ESRRG: variants seen among roughly 807,000 people sequenced by gnomAD.
ESRRG encodes the protein estrogen related receptor gamma, also known as estrogen-related receptor gamma.
Under a neutral mutation model 44.0 loss-of-function variants are expected in ESRRG, and 13 were observed. The observed-to-expected ratio is 0.30, with a 90% CI of 0.19 to 0.47. The LOEUF is 0.47. ESRRG is among the 20% of genes least tolerant of loss of function. The probability of loss-of-function intolerance (pLI) is 1.00; values close to 1 mark genes in which losing one functional copy is unlikely to be tolerated. For missense variants in ESRRG, 395 were observed against 580.6 expected, an observed-to-expected ratio of 0.68 and a Z score of 3.29; for synonymous variants, 215 against 214.6, an observed-to-expected ratio of 1.00 and a Z score of -0.02.
intron 1 of ESRRG, among the ~76,000 whole-genome samples, chr1:216,942,007 T>C (rs555575516): frequency 6.6e-6 from 1 of 152,334 alleles, no homozygotes; most frequent in Admixed American, 6.5e-5. Flanking sequence ...CTACTGATCC[T>C]GTCACCCAAA....
At chr1:217,099,964 G>A (rs961709621) in intron 1 of ESRRG, among the ~76,000 whole-genome samples, 6 of 147,978 alleles carry the variant, frequency 4.1e-5, no homozygotes, top group Non-Finnish European at 6.0e-5. Flanking sequence ...GCTCCGTTCC[G>A]TTACATTTTC....
intron 1 of ESRRG, among the ~76,000 whole-genome samples, chr1:217,069,308 C>T (rs954384091): frequency 6.6e-6 from 1 of 152,086 alleles, no homozygotes; most frequent in African/African-American, 2.4e-5. Context: ...ATCCTTGCTC[C>T]TCAGCTTGTA....
At position 216,558,248 on chromosome 1, in the gene ESRRG, T is replaced by C. The variant is rs991928308; in HGVS notation, c.862+5971A>G. On this transcript the variant is annotated intron_variant, in intron 5 of 6. Coordinates refer to ENST00000408911, the MANE Select transcript of ESRRG (RefSeq NM_001438.4). ...TATTTCAGATTATTTTTTTCAAAAC[T>C]TATTTCTCAACTTACTGGTTCCTAT... 5.9e-5 allele frequency among the ~76,000 whole-genome samples: 9 copies of C among 152,180 alleles called. 1 individual carries two copies. Among genetic ancestry groups the C allele is most frequent in the African/African-American group, 2.2e-4 (9 of 41,458 alleles).
At chr1:216,791,125 T>A (rs1436667831) in intron 2 of ESRRG, among the ~76,000 whole-genome samples, 1 of 152,150 alleles carries the variant, frequency 6.6e-6, no homozygotes, top group Non-Finnish European at 1.5e-5. Flanking sequence ...CTGGGTATTT[T>A]CCCCAACCAA....
At chr1:216,603,181 TAATC>T (rs1177436427) in intron 3 of ESRRG, among the ~76,000 whole-genome samples, 1 of 152,218 alleles carries the variant, frequency 6.6e-6, no homozygotes, top group African/African-American at 2.4e-5. Flanking sequence ...TGAATGAAAT[TAATC>T]TATGTAGCTT....
At chr1:217,002,888 C>T (rs2077229742) in intron 1 of ESRRG, among the ~76,000 whole-genome samples, 1 of 152,078 alleles carries the variant, frequency 6.6e-6, no homozygotes, top group South Asian at 2.1e-4. Context: ...CATGAGTGAC[C>T]ATGAGCCAGA....
chr1:216,684,819 A>C (rs897503078), intron 1 of ESRRG, among the ~76,000 whole-genome samples: 1 of 152,230 alleles, frequency 6.6e-6, no homozygotes, highest in Non-Finnish European at 1.5e-5. Context: ...GGGAAATACC[A>C]TTTAGTTTAA....
At chr1:217,089,827 C>T (rs944450057), upstream of ESRRG, among the ~76,000 whole-genome samples, 2 of 152,122 alleles carry the variant, frequency 1.3e-5, no homozygotes, top group African/African-American at 2.4e-5. Flanking sequence ...CCACGGCTAG[C>T]CGGAGCGCCA....
intron 2 of ESRRG, among the ~76,000 whole-genome samples, chr1:216,789,908 C>A (rs1179315615): frequency 6.6e-6 from 1 of 152,096 alleles, no homozygotes; most frequent in Non-Finnish European, 1.5e-5. Flanking sequence ...TTCCTGGACC[C>A]AAGGCAAGGC....
At chr1:216,890,727 C>T (rs185414792) in intron 2 of ESRRG, among the ~76,000 whole-genome samples, 114 of 152,320 alleles carry the variant, frequency 7.5e-4, no homozygotes, top group African/African-American at 2.6e-3. Context: ...ACCTGGGACA[C>T]ATGACCTGTG....
chr1:216,842,047 T>A (rs1357260138), intron 2 of ESRRG, among the ~76,000 whole-genome samples: 2 of 152,162 alleles, frequency 1.3e-5, no homozygotes, highest in Non-Finnish European at 2.9e-5. Flanking sequence ...AGAAGCTTGT[T>A]GTCAGATTGG....
intron 2 of ESRRG, among the ~76,000 whole-genome samples, chr1:216,906,183 C>T (rs1336129891): frequency 6.6e-6 from 1 of 152,074 alleles, no homozygotes; most frequent in East Asian, 1.9e-4. Context: ...AACTAGCGAG[C>T]TCTCTACCTT....
chr1:216,826,526 A>T lies in ESRRG; in HGVS notation c.-14+113056T>A, dbSNP rs1046047362. On this transcript the variant is annotated intron_variant, in intron 2 of 7. Transcript: ENST00000359162. ...ATTGTTAGAATACCATTATTAGATT[A>T]TTACAATATTATTGAATATAATGAG... Among the ~76,000 whole-genome samples the T allele has an allele frequency of 2.0e-5, 3 of 152,334 alleles. No homozygotes were observed. The South Asian group carries it at 6.2e-4, about 32-fold the overall frequency.
chr1:217,063,697 C>G (rs533585071), intron 1 of ESRRG, among the ~76,000 whole-genome samples: 1 of 152,282 alleles, frequency 6.6e-6, no homozygotes, highest in Admixed American at 6.5e-5. Flanking sequence ...GAGGGACCAG[C>G]TGACCCAGAC....
chr1:216,545,683 C>T (rs537766424), intron 5 of ESRRG, among the ~76,000 whole-genome samples: 43 of 152,074 alleles, frequency 2.8e-4, no homozygotes, highest in African/African-American at 9.9e-4. Flanking sequence ...GCTGTTTACT[C>T]GATGTGCTAC....
intron 2 of ESRRG, among the ~76,000 whole-genome samples, chr1:216,750,065 ACCTT>A (rs111921998): frequency 2.0e-5 from 3 of 152,116 alleles, no homozygotes; most frequent in Non-Finnish European, 2.9e-5. Context: ...GAATCAACCA[ACCTT>A]CCTTCCTTCC....
rs137924693 is a variant in ESRRG, at chr1:217,002,415, G to T, written c.-105-62742C>A. ...ATTTTAGGGCAGATCCGTCCCTAAA[G>T]TTATATGGGCTTAGATTTTATTCCC... On this transcript the variant is annotated intron_variant, in intron 1 of 7. Transcript: ENST00000359162. Among the ~76,000 whole-genome samples the T allele has an allele frequency of 2.0e-5, 3 of 151,604 alleles. No individual in the cohort carries two copies. In the East Asian group the frequency reaches 5.8e-4, roughly 29 times the overall value.
At chr1:216,591,709 C>T (rs2057697708) in intron 3 of ESRRG, among the ~76,000 whole-genome samples, 1 of 152,026 alleles carries the variant, frequency 6.6e-6, no homozygotes, top group South Asian at 2.1e-4. Flanking sequence ...GGGGATGTGT[C>T]AATAAGTCAC....
intron 1 of ESRRG, among the ~76,000 whole-genome samples, chr1:216,992,729 C>T (rs1214073424): frequency 6.6e-6 from 1 of 152,168 alleles, no homozygotes; most frequent in Non-Finnish European, 1.5e-5. Context: ...CCCTATAATA[C>T]TTTACAGATT....
Sources: allele counts gnomAD v4.1 joint callset (sites outside exome capture counted in the v4.1 genomes callset), GRCh38; gene constraint gnomAD v4.1.1; transcripts MANE v1.5; gene names NCBI Gene and HGNC (gene_info 2026-07-23, HGNC 2026-07-21).